TPRG1: variants seen among roughly 807,000 people sequenced by gnomAD.
The protein encoded by TPRG1 is tumor protein p63-regulated gene 1 protein.
A neutral mutation model predicts 29.3 loss-of-function variants in TPRG1; 29 were observed. The observed-to-expected ratio is 0.99, with a 90% CI of 0.74 to 1.35. The LOEUF is 1.35. TPRG1 is among the 40% of genes most tolerant of loss of function. The pLI, the probability that TPRG1 is intolerant of heterozygous loss-of-function variation, is 0.00. For synonymous variants in TPRG1, 130 were observed against 116.8 expected (o/e 1.11, Z -0.73); for missense variants, 327 against 335.0 (o/e 0.98, Z 0.19).
Position 189,050,983 on chromosome 3 carries a change from A to G in TPRG1, c.-463+27037A>G, listed in dbSNP as rs147706056. On this transcript the variant is annotated intron_variant, in intron 4 of 10. Coordinates refer to the TPRG1 transcript ENST00000433971. ...CAAACCCACAGCCAACATAATATTG[A>G]ATGGGGAAAAGTTGAAAGCATTCCC... 5.3e-5 allele frequency among the ~76,000 whole-genome samples: 8 copies of G among 152,306 alleles called. No homozygotes were observed. The East Asian group carries it at 1.4e-3, about 26-fold the overall frequency.
intron 4 of TPRG1, among the ~76,000 whole-genome samples, chr3:189,266,542 T>C (rs1407466401): frequency 6.6e-6 from 1 of 152,128 alleles, no homozygotes; most frequent in East Asian, 1.9e-4. Context: ...AGCCAAAGCC[T>C]TAATAATGGG....
chr3:189,039,465 A>G (rs1177905146), intron 4 of TPRG1, among the ~76,000 whole-genome samples: 1 of 152,138 alleles, frequency 6.6e-6, no homozygotes, highest in East Asian at 1.9e-4. Context: ...CCACAAGATG[A>G]GGGCAACGTT....
intron 3 of TPRG1, among the ~76,000 whole-genome samples, chr3:189,016,473 T>C (rs1368090774): frequency 6.6e-6 from 1 of 152,066 alleles, no homozygotes; most frequent in Non-Finnish European, 1.5e-5. Context: ...TGGAATCAGT[T>C]AAGACATTGG....
At chr3:189,018,045 TTCATG>T (rs1198674638) in intron 3 of TPRG1, among the ~76,000 whole-genome samples, 1 of 152,128 alleles carries the variant, frequency 6.6e-6, no homozygotes, top group Non-Finnish European at 1.5e-5. Context: ...GAAGTGTCTG[TTCATG>T]TCCTTTGCCC....
In TPRG1 at chr3:189,320,885, C is replaced by A; in HGVS notation, c.*65C>A. On this transcript the variant is annotated 3_prime_UTR_variant, in exon 6 of 6. Coordinates refer to ENST00000345063, the MANE Select transcript of TPRG1 (RefSeq NM_198485.4). The stretch of plus-strand genomic sequence containing the variant: ...GTCACTTTGAAAATTCCAGTTTGAC[C>A]CACGCTATTTTTGGACTGAAACAAT... 2 of 1,298,556 alleles carry A rather than the reference C, an allele frequency of 1.5e-6. No individual in the cohort carries two copies. Among genetic ancestry groups the A allele is most frequent in the Non-Finnish European group, 1.0e-6 (1 of 976,948 alleles). 80.4% of individuals were successfully genotyped at this position (1,298,556 alleles called of 1,614,324 possible). A position where few individuals can be genotyped will look rare whatever the true frequency, so the allele number is the denominator to read the frequency against.
intron 4 of TPRG1, among the ~76,000 whole-genome samples, chr3:189,258,434 CTG>C (rs1712318792): frequency 6.6e-6 from 1 of 152,120 alleles, no homozygotes; most frequent in African/African-American, 2.4e-5. Flanking sequence ...TTTGAGGTGT[CTG>C]TTGACCCCTG....
At chr3:189,028,873 A>G (rs1197686906) in intron 4 of TPRG1, among the ~76,000 whole-genome samples, 1 of 152,134 alleles carries the variant, frequency 6.6e-6, no homozygotes, top group Non-Finnish European at 1.5e-5. Flanking sequence ...AGGCTGACAA[A>G]TGTATGACTA....
At chr3:189,204,643 A>T (rs1734029522) in intron 1 of TPRG1, among the ~76,000 whole-genome samples, 1 of 152,182 alleles carries the variant, frequency 6.6e-6, no homozygotes, top group South Asian at 2.1e-4. Flanking sequence ...GAGGGAGAGG[A>T]AGTGGTGCTA....
At chr3:189,108,107 G>T (rs1720040823) in intron 1 of TPRG1, among the ~76,000 whole-genome samples, 1 of 152,122 alleles carries the variant, frequency 6.6e-6, no homozygotes, top group Non-Finnish European at 1.5e-5. Context: ...CAGGTTGGTT[G>T]CCTATCCAAT....
At chr3:189,232,979 G>A (rs1187553959) in intron 3 of TPRG1, among the ~76,000 whole-genome samples, 2 of 152,132 alleles carry the variant, frequency 1.3e-5, no homozygotes, top group African/African-American at 4.8e-5. Flanking sequence ...AAACCCAGTG[G>A]GTGATCAGGG....
chr3:189,244,977 A>G (rs1459087137), intron 4 of TPRG1, among the ~76,000 whole-genome samples: 1 of 152,040 alleles, frequency 6.6e-6, no homozygotes, highest in Non-Finnish European at 1.5e-5. Flanking sequence ...CTGGAGTGCA[A>G]CGGTATGATC....
intron 5 of TPRG1, among the ~76,000 whole-genome samples, chr3:189,154,601 C>T (rs1275985665): frequency 6.6e-6 from 1 of 152,002 alleles, no homozygotes; most frequent in Non-Finnish European, 1.5e-5. Context: ...ACCACCACGC[C>T]TGGCTAATTT....
chr3:189,219,518 G>GAA (rs5855244), intron 3 of TPRG1: 34,747 of 948,598 alleles, frequency 0.037, 1 homozygote, highest in South Asian at 0.065. Context: ...TGGCCCTTCT[G>GAA]AAAAAAAAAA....
At chr3:189,213,879 ATATTG>A (rs1336937100) in intron 2 of TPRG1, among the ~76,000 whole-genome samples, 23 of 152,074 alleles carry the variant, frequency 1.5e-4, no homozygotes, top group African/African-American at 5.6e-4. Flanking sequence ...TAACTTCATC[ATATTG>A]TATTGTATGA....
intron 4 of TPRG1, among the ~76,000 whole-genome samples, chr3:189,095,118 G>T (rs1217595686): frequency 6.6e-6 from 1 of 152,154 alleles, no homozygotes; most frequent in Non-Finnish European, 1.5e-5. Context: ...TTGTGTGAAG[G>T]TGAAACAAAG....
intron 4 of TPRG1, among the ~76,000 whole-genome samples, chr3:189,077,623 T>C (rs2152163912): frequency 6.6e-6 from 1 of 152,326 alleles, no homozygotes; most frequent in African/African-American, 2.4e-5. Context: ...TTGTGCATTT[T>C]ACTGTATGTT....
intron 4 of TPRG1, among the ~76,000 whole-genome samples, chr3:189,295,541 C>T (rs1719765435): frequency 6.9e-6 from 1 of 144,026 alleles, no homozygotes; most frequent in African/African-American, 2.5e-5. Flanking sequence ...GTCTCTTTGA[C>T]CCTTAAATTA....
chr3:189,201,615 G>A (rs576117309), intron 1 of TPRG1, among the ~76,000 whole-genome samples: 2 of 152,212 alleles, frequency 1.3e-5, no homozygotes, highest in East Asian at 3.9e-4. Flanking sequence ...TTCTAAATCT[G>A]AAGTATGATC....
chr3:189,232,907 G>A (rs532295106), intron 3 of TPRG1, among the ~76,000 whole-genome samples: 3 of 152,164 alleles, frequency 2.0e-5, no homozygotes, highest in Non-Finnish European at 4.4e-5. Context: ...CTTTAGTGCC[G>A]TGCATTTTTC....
Sources: gnomAD v4.1 joint callset for allele counts (sites outside exome capture counted in the v4.1 genomes callset) on GRCh38, gnomAD v4.1.1 for gene constraint, MANE v1.5 for transcripts, NCBI Gene and HGNC (gene_info 2026-07-23, HGNC 2026-07-21) for gene names.